EFCAB3: variants seen among roughly 807,000 people sequenced by gnomAD.
The protein encoded by EFCAB3 is EF-hand calcium-binding domain-containing protein 3.
Under a neutral mutation model 42.2 loss-of-function variants are expected in EFCAB3, and 36 were observed. The ratio of observed to expected loss-of-function variants is 0.85; its 90% confidence interval spans 0.65 to 1.13. The LOEUF is 1.13. EFCAB3 is among the 50% of genes most tolerant of loss of function. EFCAB3 has a pLI of 0.00. For synonymous variants in EFCAB3, 170 were observed against 172.8 expected, an observed-to-expected ratio of 0.98 and a Z score of 0.13; for missense variants, 418 against 505.1, an observed-to-expected ratio of 0.83 and a Z score of 1.65.
chr17:62,392,756 G>T (rs1022016184), intron 4 of EFCAB3, among the ~76,000 whole-genome samples: 46 of 152,174 alleles, frequency 3.0e-4, no homozygotes, highest in African/African-American at 1.0e-3. Flanking sequence ...TCCTGCCTCA[G>T]CCTCTTGAGT....
At chr17:62,384,088 G>C (rs1351172374) in intron 2 of EFCAB3, among the ~76,000 whole-genome samples, 2 of 151,972 alleles carry the variant, frequency 1.3e-5, no homozygotes, top group Non-Finnish European at 2.9e-5. Context: ...ATCTTTTCTA[G>C]TGTCCTTGAC....
chr17:62,373,106 C>A (rs1319172970), intron 1 of EFCAB3, among the ~76,000 whole-genome samples: 1 of 151,754 alleles, frequency 6.6e-6, no homozygotes, highest in Non-Finnish European at 1.5e-5. Flanking sequence ...CCTGGCGAAA[C>A]CCCATCTCAC....
chr17:62,382,358 A>G (rs977329094), intron 1 of EFCAB3, among the ~76,000 whole-genome samples: 15 of 150,694 alleles, frequency 1.0e-4, no homozygotes, highest in Middle Eastern at 3.2e-3. Context: ...ATATGTATAC[A>G]TTGTTAAACA....
chr17:62,371,052 G>A (rs981496677), intron 1 of EFCAB3, among the ~76,000 whole-genome samples: 7 of 150,200 alleles, frequency 4.7e-5, no homozygotes, highest in African/African-American at 1.5e-4. Flanking sequence ...TGATTGCACC[G>A]CTGCATTCCA....
intron 2 of EFCAB3, chr17:62,373,964 A>G (rs1249197116): frequency 3.4e-6 from 2 of 585,876 alleles, no homozygotes; most frequent in East Asian, 6.8e-5. Flanking sequence ...ATATATGTTC[A>G]TTATAGAAAA....
intron 6 of EFCAB3, among the ~76,000 whole-genome samples, chr17:62,396,351 G>A (rs556099319): frequency 2.0e-5 from 3 of 152,170 alleles, no homozygotes; most frequent in Non-Finnish European, 2.9e-5. Flanking sequence ...TCAGGAATTC[G>A]AGACCAGCCT....
chr17:62,383,935 C>CT (rs35890816), intron 2 of EFCAB3, among the ~76,000 whole-genome samples: 151 of 152,314 alleles, frequency 9.9e-4, no homozygotes, highest in African/African-American at 3.5e-3. Context: ...TTAACAATGG[C>CT]TTTTTCTCAG....
intron 6 of EFCAB3, chr17:62,397,824 A>G (rs914509617): frequency 6.5e-6 from 2 of 308,406 alleles, no homozygotes; most frequent in African/African-American, 4.5e-5. Flanking sequence ...GGAGTTCGAG[A>G]CCAGCCTGGC....
At chr17:62,378,500 C>A (rs533076592), upstream of EFCAB3, among the ~76,000 whole-genome samples, 2 of 152,112 alleles carry the variant, frequency 1.3e-5, no homozygotes, top group African/African-American at 2.4e-5. Flanking sequence ...GACTATGAGT[C>A]CAGCCTGGGA....
chr17:62,382,806 C>G (rs2070214403), intron 1 of EFCAB3, among the ~76,000 whole-genome samples, 157 bp from the exon 2 acceptor site: 1 of 152,176 alleles, frequency 6.6e-6, no homozygotes. Context: ...ACATGGCATT[C>G]CAACTTTATG....
At position 62,392,719 on chromosome 17, in the gene EFCAB3, C is replaced by G. The variant is rs376490411; in HGVS notation, c.295+754C>G. Reference sequence around the variant, plus strand: ...GTGGCGCAATCTCAGCTCACTGCAACCTCCGCCTCCTGGGTTCACACCATT... The same window carrying G: ...GTGGCGCAATCTCAGCTCACTGCAAGCTCCGCCTCCTGGGTTCACACCATT... On this transcript the variant is annotated intron_variant, in intron 4 of 9. Transcript: ENST00000305286. 2.4e-4 allele frequency among the ~76,000 whole-genome samples: 37 copies of G among 152,108 alleles called. 1 individual carries two copies. Among genetic ancestry groups the G allele is most frequent in the East Asian group, 2.1e-3 (11 of 5,176 alleles).
intron 1 of EFCAB3, among the ~76,000 whole-genome samples, chr17:62,370,665 AAAAG>A (rs1292829596): frequency 6.6e-6 from 1 of 152,048 alleles, no homozygotes. Context: ...TCAAAAAAAA[AAAAG>A]AAGAAGTGTA....
At chr17:62,378,706 T>TA (rs1334947557), upstream of EFCAB3, among the ~76,000 whole-genome samples, 79 of 99,762 alleles carry the variant, frequency 7.9e-4, no homozygotes, top group East Asian at 4.0e-3. Flanking sequence ...GTCTCTTTTT[T>TA]AAAAAAAATG....
At chr17:62,412,405 G>T (rs2144116687) in intron 8 of EFCAB3, among the ~76,000 whole-genome samples, 1 of 150,902 alleles carries the variant, frequency 6.6e-6, no homozygotes, top group East Asian at 1.9e-4. Flanking sequence ...TTATAAGGGT[G>T]TTGTTCTTTC....
At chr17:62,414,578 TTG>T (rs1279201245) in intron 9 of EFCAB3, among the ~76,000 whole-genome samples, 1 of 87,416 alleles carries the variant, frequency 1.1e-5, no homozygotes, top group Non-Finnish European at 2.5e-5. Flanking sequence ...GTTTGTTTGT[TTG>T]TTTTGTGTGT....
Position 62,383,053 on chromosome 17 carries a change from G to C in EFCAB3, c.74G>C (p.Arg25Thr). ...AAAGTACCCATCTCCCACAATAAAA[G>C]GTAGGTAATGAATGATTAAGGGTGA... ...LTKVPISHNK[R>T]DRDLPGSLQC... The change falls in exon 2 of 10, where the codon AGG (arginine) becomes ACG (threonine). Residue 25 changes from arginine (R) to threonine (T), a missense_variant and splice_region_variant. Transcript: ENST00000305286. The C allele has an allele frequency of 1.2e-6, 2 of 1,608,954 alleles. No homozygotes were observed. The highest frequency in any genetic ancestry group is 1.7e-6 in the Non-Finnish European group (2 of 1,176,616).
At chr17:62,373,929 C>A in intron 2 of EFCAB3, 1 of 855,404 alleles carries the variant, frequency 1.2e-6, no homozygotes. Flanking sequence ...GTATTTTTAT[C>A]TGTGTTTTCT....
At chr17:62,415,128 A>ACCAC (rs796518014) in intron 9 of EFCAB3, among the ~76,000 whole-genome samples, 1 of 151,500 alleles carries the variant, frequency 6.6e-6, no homozygotes, top group Admixed American at 6.6e-5. Flanking sequence ...ACAAAAAAAA[A>ACCAC]CAAAAAAACC....
chr17:62,412,682 A>T (rs2070509757), intron 8 of EFCAB3, among the ~76,000 whole-genome samples: 1 of 149,664 alleles, frequency 6.7e-6, no homozygotes, highest in Admixed American at 6.7e-5. Flanking sequence ...CTGGTCTTGA[A>T]CTCCTGGGCT....
Sources: allele counts gnomAD v4.1 joint callset (sites outside exome capture counted in the v4.1 genomes callset), GRCh38; gene constraint gnomAD v4.1.1; transcripts MANE v1.5; gene names NCBI Gene and HGNC (gene_info 2026-07-23, HGNC 2026-07-21).